ABCC2: variants seen among roughly 807,000 people sequenced by gnomAD.
ABCC2 encodes ATP-binding cassette sub-family C member 2.
A neutral mutation model predicts 173.4 loss-of-function variants in ABCC2; 157 were observed. The observed-to-expected ratio is 0.91, with a 90% CI of 0.80 to 1.03. The LOEUF (loss-of-function observed/expected upper bound fraction) is 1.03. Among genes scored for constraint, ABCC2 ranks in the 50% least tolerant of loss-of-function variants. The pLI is 0.00. For synonymous variants in ABCC2, 657 were observed against 693.5 expected (o/e 0.95, Z 0.83); for missense variants, 1,822 against 1,852.3 (o/e 0.98, Z 0.30).
intron 16 of ABCC2, 45 bp downstream of exon 16, chr10:99,813,189 A>G: frequency 1.2e-6 from 2 of 1,605,814 alleles, no homozygotes; most frequent in South Asian, 2.2e-5. Flanking sequence ...CCCGAATGTC[A>G]GCAGCTTCGT....
chr10:99,814,735 A>G (rs1241998536), intron 16 of ABCC2, among the ~76,000 whole-genome samples: 32 of 144,192 alleles, frequency 2.2e-4, no homozygotes, highest in East Asian at 4.2e-4. Context: ...ATGTGTGTGT[A>G]TGTGTATATG....
intron 29 of ABCC2, 51 bp from the exon 30 acceptor site, chr10:99,846,910 G>A (rs748192911): frequency 6.2e-7 from 1 of 1,610,510 alleles, no homozygotes; most frequent in South Asian, 1.1e-5. Flanking sequence ...GGAACTCCGA[G>A]GTCCTTTTCT....
intron 1 of ABCC2, among the ~76,000 whole-genome samples, chr10:99,783,702 C>T (rs2037656095): frequency 6.6e-6 from 1 of 152,100 alleles, no homozygotes; most frequent in Non-Finnish European, 1.5e-5. Flanking sequence ...GATGAGATAG[C>T]AGAGCACCTG....
chr10:99,833,070 T>G (rs1274641690), intron 23 of ABCC2, among the ~76,000 whole-genome samples: 2 of 152,188 alleles, frequency 1.3e-5, no homozygotes, highest in African/African-American at 4.8e-5. Context: ...TTGTTGGTCT[T>G]GGGGCAGACA....
chr10:99,850,680 T>G lies in ABCC2; in HGVS notation c.4392T>G (p.Thr1464=). Reference sequence around the variant, plus strand: ...AGATCCTGGTCCTGGATGAGGCCACTGCTGCGGTGGATCTAGAGACAGACA... The same window carrying G: ...AGATCCTGGTCCTGGATGAGGCCACGGCTGCGGTGGATCTAGAGACAGACA... The part of the protein sequence containing the change: ...KSKILVLDEA[T]AAVDLETDNL... The change falls in exon 31 of 32, where the codon ACT becomes ACG. Residue 1464 remains threonine (T), a synonymous_variant. Coordinates refer to ENST00000647814, the MANE Select transcript of ABCC2 (RefSeq NM_000392.5). The G allele has an allele frequency of 6.2e-7, 1 of 1,614,242 alleles. No homozygotes were observed. Among genetic ancestry groups the G allele is most frequent in the Non-Finnish European group, 8.5e-7 (1 of 1,180,044 alleles).
chr10:99,783,779 G>A (rs866064872), intron 1 of ABCC2, among the ~76,000 whole-genome samples: 5 of 152,096 alleles, frequency 3.3e-5, no homozygotes, highest in Middle Eastern at 3.2e-3. Context: ...TGTATACCAC[G>A]GCAAGGTGGA....
chr10:99,794,314 CACA>C (rs941002649), intron 5 of ABCC2, 96 bp from the exon 6 acceptor site: 6 of 1,144,638 alleles, frequency 5.2e-6, no homozygotes, highest in East Asian at 2.4e-5. Flanking sequence ...TAGTTTCTAG[CACA>C]ACATTATATC....
intron 9 of ABCC2, 100 bp from the exon 10 acceptor site, chr10:99,803,919 G>A (rs2038052481): frequency 1.4e-6 from 2 of 1,479,986 alleles, no homozygotes; most frequent in African/African-American, 1.4e-5. Context: ...TCCATATGGA[G>A]CACATCCTTC....
intron 2 of ABCC2, among the ~76,000 whole-genome samples, chr10:99,787,475 G>A (rs1392922763): frequency 6.6e-6 from 1 of 151,666 alleles, no homozygotes; most frequent in Non-Finnish European, 1.5e-5. Flanking sequence ...ACGGAGTCTC[G>A]TTCTGTCGCC....
chr10:99,791,123 TG>T (rs1376425486), intron 2 of ABCC2, among the ~76,000 whole-genome samples: 2 of 152,182 alleles, frequency 1.3e-5, no homozygotes, highest in Non-Finnish European at 2.9e-5. Flanking sequence ...GGATCAAGAC[TG>T]GGGCTGAGTG....
At chr10:99,822,979 T>A (rs2038564202) in intron 19 of ABCC2, among the ~76,000 whole-genome samples, 1 of 151,852 alleles carries the variant, frequency 6.6e-6, no homozygotes, top group South Asian at 2.1e-4. Context: ...ATAAATGTTT[T>A]TTTAACATGG....
Position 99,831,638 on chromosome 10 carries a change from C to G in ABCC2, c.2911C>G (p.Leu971Val), listed in dbSNP as rs772482844. 1.1e-5 allele frequency: 17 copies of G among 1,614,048 alleles called. No homozygotes were observed. In the East Asian group the frequency reaches 3.6e-4, roughly 34 times the overall value. ...KVKFSIYLEY[L>V]QAIGLFSIFF... is the part of the protein sequence containing the mutation. ...GAAGTTCTCCATCTACCTGGAGTAC[C>G]TACAAGCAATAGGATTGTTTTCGAT... Residue 971 changes from leucine to valine, a missense_variant, in exon 22 of 32, where the codon CTA becomes GTA. Leu to Val is a conservative substitution (Grantham distance 32). Transcript: ENST00000647814.
At chr10:99,793,774 C>A (rs370925618) in intron 4 of ABCC2, 89 bp downstream of exon 4, 3 of 1,589,106 alleles carry the variant, frequency 1.9e-6, no homozygotes, top group Non-Finnish European at 2.6e-6. Flanking sequence ...GCTCCAGGAT[C>A]GAATTGTATT....
intron 27 of ABCC2, 76 bp from the exon 28 acceptor site, chr10:99,844,246 G>T: frequency 1.3e-6 from 2 of 1,573,230 alleles, no homozygotes; most frequent in South Asian, 1.1e-5. Context: ...CCTGTTCTAT[G>T]ACACGAGTCC....
At chr10:99,794,336 A>G (rs971981747) in intron 5 of ABCC2, 77 bp from the exon 6 acceptor site, 2 of 1,310,030 alleles carry the variant, frequency 1.5e-6, no homozygotes, top group Non-Finnish European at 2.2e-6. Flanking sequence ...TCATTAAAAA[A>G]TCAGTTTCTG....
intron 7 of ABCC2, among the ~76,000 whole-genome samples, chr10:99,798,303 A>T (rs529441306): frequency 5.9e-5 from 9 of 152,268 alleles, no homozygotes; most frequent in Non-Finnish European, 1.0e-4. Context: ...GTGAGAGAGT[A>T]TCACTGGTAG....
In ABCC2 at chr10:99,795,808, C is replaced by G. The variant is rs528311464; in HGVS notation, c.633-1289C>G. 9.7e-3 allele frequency among the ~76,000 whole-genome samples: 1,228 copies of G among 126,148 alleles called. 34 individuals carry two copies. The highest frequency in any genetic ancestry group is 0.034 in the African/African-American group (1,143 of 33,734). 82.8% of individuals were successfully genotyped at this position (126,148 alleles called of 152,430 possible). A position where few individuals can be genotyped will look rare whatever the true frequency, so the allele number is the denominator to read the frequency against. On this transcript the variant is annotated intron_variant, in intron 6 of 31. Coordinates refer to ENST00000647814, the MANE Select transcript of ABCC2 (RefSeq NM_000392.5). ...GAAAGAAAGAAAGAAAGAAAGATTTCTAAATGCTAGATTTCAGTTAGATGC... is the reference window on the plus strand; with the variant it reads ...GAAAGAAAGAAAGAAAGAAAGATTTGTAAATGCTAGATTTCAGTTAGATGC...
chr10:99,813,069 C>A lies in ABCC2; in HGVS notation c.2019C>A (p.Val673=). ...AGQLVAVIGP[V]GSGKSSLISA... ...AACTTGTGGCTGTGATAGGCCCTGT[C>A]GGCTCTGGGAAATCCTCCTTGATAT... The change falls in exon 16 of 32, where the codon GTC becomes GTA. Residue 673 remains valine (V), a synonymous_variant. Coordinates refer to ENST00000647814, the MANE Select transcript of ABCC2 (RefSeq NM_000392.5). 6.2e-7 allele frequency: 1 copy of A among 1,613,902 alleles called. No individual in the cohort carries two copies. Among genetic ancestry groups the A allele is most frequent in the South Asian group, 1.1e-5 (1 of 91,054 alleles).
intron 19 of ABCC2, among the ~76,000 whole-genome samples, chr10:99,820,186 G>A (rs1423950832): frequency 2.0e-5 from 3 of 152,148 alleles, no homozygotes; most frequent in Non-Finnish European, 2.9e-5. Context: ...GAGGTCAGGA[G>A]TTCGAGGCCA....
Sources: allele counts gnomAD v4.1 joint callset (sites outside exome capture counted in the v4.1 genomes callset), GRCh38; gene constraint gnomAD v4.1.1; transcripts MANE v1.5; gene names NCBI Gene and HGNC (gene_info 2026-07-23, HGNC 2026-07-21).